The following KCNN2 variants were observed in gnomAD, a reference collection of about 807,000 sequenced individuals.
KCNN2 encodes small conductance calcium-activated potassium channel protein 2.
In KCNN2, 24 loss-of-function variants were observed where a neutral mutation model predicts 55.5. That is an observed-to-expected ratio of 0.43 (90% confidence interval 0.31 to 0.61). The LOEUF (loss-of-function observed/expected upper bound fraction) is 0.61. KCNN2 is among the 20% of genes least tolerant of loss of function. The probability of loss-of-function intolerance (pLI) is 0.08; values close to 1 mark genes in which losing one functional copy is unlikely to be tolerated. For synonymous variants in KCNN2, 431 were observed against 336.1 expected (o/e 1.28, Z -3.09); for missense variants, 754 against 853.6 (o/e 0.88, Z 1.45).
intron 1 of KCNN2, among the ~76,000 whole-genome samples, chr5:114,138,182 T>G (rs1387815425): frequency 6.6e-6 from 1 of 152,096 alleles, no homozygotes; most frequent in Non-Finnish European, 1.5e-5. Flanking sequence ...CCAGTGAAAG[T>G]TCTGTTGTTA....
In KCNN2 at chr5:114,493,253, A is replaced by G; in HGVS notation, c.2019-150A>G. On this transcript the variant is annotated intron_variant, in intron 6 of 7. Coordinates refer to ENST00000673685, the MANE Select transcript of KCNN2 (RefSeq NM_021614.4). The stretch of plus-strand genomic sequence containing the variant: ...GGGGAAGCATGCTTCTCATTGTACC[A>G]GACACATAACCAGTTTGGACTTACC... The G allele has an allele frequency of 7.0e-6, 5 of 713,274 alleles. No individual in the cohort carries two copies. In the South Asian group the frequency reaches 7.4e-5, roughly 11 times the overall value. The allele number at this position is 713,274 out of a possible 1,614,324, so 44.2% of individuals were successfully genotyped here.
At chr5:114,174,365 T>C (rs1262224030) in intron 1 of KCNN2, among the ~76,000 whole-genome samples, 1 of 152,110 alleles carries the variant, frequency 6.6e-6, no homozygotes, top group Non-Finnish European at 1.5e-5. Context: ...CAAACAGACC[T>C]ACTGCAGATG....
At chr5:114,265,930 G>A (rs1316665116) in intron 2 of KCNN2, among the ~76,000 whole-genome samples, 1 of 152,034 alleles carries the variant, frequency 6.6e-6, no homozygotes, top group African/African-American at 2.4e-5. Flanking sequence ...AGAAGACAGG[G>A]CTGATCTCAC....
At chr5:114,139,202 C>G (rs1015660652) in intron 1 of KCNN2, among the ~76,000 whole-genome samples, 1 of 152,058 alleles carries the variant, frequency 6.6e-6, no homozygotes, top group Non-Finnish European at 1.5e-5. Context: ...TAGAATACAT[C>G]TAAAAGTATT....
At chr5:114,247,559 G>A (rs1390432893) in intron 2 of KCNN2, among the ~76,000 whole-genome samples, 2 of 152,180 alleles carry the variant, frequency 1.3e-5, no homozygotes, top group Admixed American at 6.5e-5. Flanking sequence ...AGTAGATTAA[G>A]TATCCACTTT....
At chr5:114,216,063 T>G (rs184949501) in intron 1 of KCNN2, among the ~76,000 whole-genome samples, 71 of 152,296 alleles carry the variant, frequency 4.7e-4, no homozygotes, top group Admixed American at 1.4e-3. Context: ...CTGGTAAATT[T>G]ACTTCAACTG....
intron 2 of KCNN2, among the ~76,000 whole-genome samples, chr5:114,386,891 G>T (rs1197881527): frequency 6.6e-6 from 1 of 152,186 alleles, no homozygotes; most frequent in Non-Finnish European, 1.5e-5. Context: ...CGCTCCTTAA[G>T]ACGTATGTAG....
At chr5:114,395,775 G>A (rs1758596102) in intron 2 of KCNN2, among the ~76,000 whole-genome samples, 1 of 152,090 alleles carries the variant, frequency 6.6e-6, no homozygotes, top group Non-Finnish European at 1.5e-5. Context: ...TGTCTCCTAG[G>A]ACAGTTCTTT....
intron 2 of KCNN2, among the ~76,000 whole-genome samples, chr5:114,295,558 C>T (rs1287654909): frequency 3.3e-5 from 5 of 152,156 alleles, no homozygotes; most frequent in Admixed American, 6.5e-5. Context: ...TGGAAAAGCG[C>T]AGTATTAGGG....
chr5:114,062,182 T>C (rs753892095), intron 1 of KCNN2, among the ~76,000 whole-genome samples: 3 of 152,214 alleles, frequency 2.0e-5, no homozygotes, highest in Non-Finnish European at 4.4e-5. Context: ...AAAATGAGTT[T>C]GTTGCCCAGA....
intron 3 of KCNN2, among the ~76,000 whole-genome samples, chr5:114,450,102 T>C (rs1402274375): frequency 6.6e-6 from 1 of 152,194 alleles, no homozygotes; most frequent in Non-Finnish European, 1.5e-5. Context: ...CACACCGTTC[T>C]TTGCCTCTGA....
intron 2 of KCNN2, among the ~76,000 whole-genome samples, chr5:114,307,439 G>C (rs936769337): frequency 6.6e-6 from 1 of 152,090 alleles, no homozygotes; most frequent in Non-Finnish European, 1.5e-5. Flanking sequence ...CTTCTTGCCT[G>C]TTCTGATAAT....
intron 3 of KCNN2, among the ~76,000 whole-genome samples, chr5:114,405,323 A>G (rs972996950): frequency 3.9e-5 from 6 of 152,132 alleles, no homozygotes; most frequent in Admixed American, 3.3e-4. Context: ...ATAGTTTTCA[A>G]ATGATTACTT....
chr5:114,401,065 G>T (rs1758774942), intron 2 of KCNN2, among the ~76,000 whole-genome samples: 1 of 151,128 alleles, frequency 6.6e-6, no homozygotes, highest in Non-Finnish European at 1.5e-5. Context: ...TGTATGGCTG[G>T]TATGTAGACC....
chr5:114,150,208 G>T (rs879473946), intron 1 of KCNN2, among the ~76,000 whole-genome samples: 6 of 152,148 alleles, frequency 3.9e-5, no homozygotes, highest in Non-Finnish European at 7.4e-5. Flanking sequence ...GTAGTAGCAA[G>T]AGTTTCAGGG....
intron 1 of KCNN2, among the ~76,000 whole-genome samples, chr5:114,057,570 C>A (rs965018479): frequency 9.9e-5 from 15 of 152,174 alleles, no homozygotes; most frequent in African/African-American, 3.4e-4. Context: ...CAACCAAGAT[C>A]CTTGGAGCTT....
In KCNN2 at chr5:114,223,463, A is replaced by G. The variant is rs558726702; in HGVS notation, c.-185+1898A>G. Among the ~76,000 whole-genome samples, 21 of 152,342 alleles carry G rather than the reference A, an allele frequency of 1.4e-4. 2 individuals are homozygous for G. Among genetic ancestry groups the G allele is most frequent in the South Asian group, 1.2e-3 (6 of 4,832 alleles). On this transcript the variant is annotated intron_variant, in intron 2 of 10. Transcript: ENST00000512097. ...CATTTCAGTAAAATATATAAATAAT[A>G]TATGATGATCATTTTCACATTTAAT...
chr5:114,473,202 T>C lies in KCNN2; in HGVS notation c.1890+38T>C, dbSNP rs760849377. 16 of 1,273,184 alleles carry C rather than the reference T, an allele frequency of 1.3e-5. No homozygotes were observed. The African/African-American group carries it at 1.6e-4, about 13-fold the overall frequency. 78.9% of individuals were successfully genotyped at this position (1,273,184 alleles called of 1,614,324 possible). ...CCATATATCTTCAAAGAGAATATTA[T>C]TGTGATTTTTTCAGTGTTAGGAAAT... On this transcript the variant is annotated intron_variant, in intron 5 of 7. Transcript: ENST00000673685.
At chr5:114,475,961 A>C (rs1407085002) in intron 5 of KCNN2, among the ~76,000 whole-genome samples, 1 of 152,198 alleles carries the variant, frequency 6.6e-6, no homozygotes, top group Non-Finnish European at 1.5e-5. Flanking sequence ...TTTTTCATTA[A>C]GTACTGTTCT....
Sources: gnomAD v4.1 joint callset for allele counts (sites outside exome capture counted in the v4.1 genomes callset) on GRCh38, gnomAD v4.1.1 for gene constraint, MANE v1.5 for transcripts, NCBI Gene and HGNC (gene_info 2026-07-23, HGNC 2026-07-21) for gene names.